Variants in PPP1R9A observed in about 807,000 individuals in gnomAD.
The protein encoded by PPP1R9A is protein phosphatase 1 regulatory subunit 9A, also known as neurabin-1.
In PPP1R9A, 59 loss-of-function variants were observed where a neutral mutation model predicts 141.9. That is an observed-to-expected ratio of 0.42 (90% confidence interval 0.34 to 0.52). The LOEUF is 0.52. Among genes scored for constraint, PPP1R9A ranks in the 20% least tolerant of loss-of-function variants. The pLI is 0.10. For synonymous variants in PPP1R9A, 500 were observed against 569.7 expected (o/e 0.88, Z 1.74); for missense variants, 1,444 against 1,611.9 (o/e 0.90, Z 1.78).
chr7:94,920,350 G>T (rs1055043829), intron 2 of PPP1R9A, among the ~76,000 whole-genome samples: 1 of 145,494 alleles, frequency 6.9e-6, no homozygotes, highest in Non-Finnish European at 1.5e-5. Context: ...AGTTCAACAT[G>T]ATTGAAATAT....
chr7:95,090,482 T>G (rs1295524926), intron 2 of PPP1R9A, among the ~76,000 whole-genome samples: 2 of 151,952 alleles, frequency 1.3e-5, no homozygotes, highest in Non-Finnish European at 2.9e-5. Context: ...TTACCAAAGC[T>G]CTATATTTTA....
chr7:95,118,327 G>T (rs761620143), intron 3 of PPP1R9A, among the ~76,000 whole-genome samples: 67 of 152,168 alleles, frequency 4.4e-4, no homozygotes, highest in Non-Finnish European at 8.7e-4. Context: ...ATAAATAGGA[G>T]AAATCACATG....
At chr7:95,207,198 A>C (rs1290679188) in intron 7 of PPP1R9A, among the ~76,000 whole-genome samples, 1 of 152,142 alleles carries the variant, frequency 6.6e-6, no homozygotes, top group Non-Finnish European at 1.5e-5. Flanking sequence ...AAAAAACAGC[A>C]GAAAATAGAA....
intron 2 of PPP1R9A, among the ~76,000 whole-genome samples, chr7:95,060,806 A>G (rs1302587372): frequency 6.6e-6 from 1 of 152,222 alleles, no homozygotes; most frequent in Non-Finnish European, 1.5e-5. Flanking sequence ...AAAAGATTTT[A>G]ATAAAATATG....
At chr7:94,931,188 A>G (rs943163935) in intron 2 of PPP1R9A, among the ~76,000 whole-genome samples, 40 of 152,150 alleles carry the variant, frequency 2.6e-4, no homozygotes, top group African/African-American at 9.7e-4. Context: ...TTCTCTTTCA[A>G]TATTAATTTA....
At chr7:95,202,599 TCAGA>T (rs1401414725) in intron 6 of PPP1R9A, 2 of 913,550 alleles carry the variant, frequency 2.2e-6, no homozygotes, top group Admixed American at 6.2e-5. Context: ...AATAAATCTC[TCAGA>T]CAATCAGCAC....
At chr7:94,960,716 A>G (rs1241879155) in intron 2 of PPP1R9A, among the ~76,000 whole-genome samples, 1 of 151,722 alleles carries the variant, frequency 6.6e-6, no homozygotes, top group African/African-American at 2.4e-5. Flanking sequence ...GGGGTCATAA[A>G]ACTATTAAGC....
intron 2 of PPP1R9A, among the ~76,000 whole-genome samples, chr7:95,069,089 A>G (rs960389761): frequency 7.9e-5 from 12 of 152,232 alleles, no homozygotes; most frequent in African/African-American, 2.9e-4. Context: ...TAGTTGTTAT[A>G]GTATATTGTT....
At chr7:95,078,050 T>C (rs1279676705) in intron 2 of PPP1R9A, among the ~76,000 whole-genome samples, 3 of 151,322 alleles carry the variant, frequency 2.0e-5, no homozygotes, top group Admixed American at 6.6e-5. Flanking sequence ...TACATATGTA[T>C]ACATGTGCCA....
intron 2 of PPP1R9A, among the ~76,000 whole-genome samples, chr7:95,019,216 G>T (rs989585463): frequency 6.6e-6 from 1 of 152,102 alleles, no homozygotes; most frequent in African/African-American, 2.4e-5. Context: ...CTAACATGGT[G>T]AAACTCCATC....
intron 2 of PPP1R9A, among the ~76,000 whole-genome samples, chr7:94,912,016 CTT>C (rs1469876824): frequency 6.6e-6 from 1 of 151,996 alleles, no homozygotes; most frequent in African/African-American, 2.4e-5. Flanking sequence ...TTTGTTGGAA[CTT>C]TTTTTGGGGG....
In PPP1R9A at chr7:95,178,539, C is replaced by G. The variant is rs190373341; in HGVS notation, c.1754+16568C>G. On this transcript the variant is annotated intron_variant, in intron 5 of 19. Transcript: ENST00000433360. Reference sequence around the variant, plus strand: ...AGAAGGGAAATAACCAAGATCAGAGCAGAACTAAATGAAATTGAAAGAAAA... The same window carrying G: ...AGAAGGGAAATAACCAAGATCAGAGGAGAACTAAATGAAATTGAAAGAAAA... Among the ~76,000 whole-genome samples, 3 of 151,506 alleles carry G rather than the reference C, an allele frequency of 2.0e-5. No homozygotes were observed. In the East Asian group the frequency reaches 5.8e-4, roughly 29 times the overall value.
intron 2 of PPP1R9A, among the ~76,000 whole-genome samples, chr7:95,016,908 A>G (rs763278122): frequency 2.6e-5 from 4 of 152,150 alleles, no homozygotes; most frequent in Non-Finnish European, 5.9e-5. Flanking sequence ...TTATCTGGAA[A>G]TAGGGTCTTT....
intron 2 of PPP1R9A, among the ~76,000 whole-genome samples, chr7:95,041,773 A>G (rs1188215250): frequency 6.6e-6 from 1 of 152,042 alleles, no homozygotes; most frequent in Non-Finnish European, 1.5e-5. Context: ...AATATTAACT[A>G]TACATTATTA....
chr7:94,960,230 A>G (rs1797485477), intron 2 of PPP1R9A, among the ~76,000 whole-genome samples: 1 of 139,590 alleles, frequency 7.2e-6, no homozygotes, highest in South Asian at 2.2e-4. Flanking sequence ...TCTTACTGTT[A>G]TTAAAATATC....
At chr7:95,170,683 G>T (rs981024653) in intron 5 of PPP1R9A, among the ~76,000 whole-genome samples, 14 of 151,424 alleles carry the variant, frequency 9.2e-5, no homozygotes, top group African/African-American at 3.4e-4. Context: ...GAAGCTAAAA[G>T]AATTCATTAC....
intron 5 of PPP1R9A, among the ~76,000 whole-genome samples, chr7:95,179,778 C>A (rs370857415): frequency 3.7e-3 from 361 of 96,786 alleles, no homozygotes; most frequent in Middle Eastern, 0.015. Flanking sequence ...ACAATAGCTG[C>A]AAAAAAAAAA....
intron 2 of PPP1R9A, among the ~76,000 whole-genome samples, chr7:95,026,357 TTGC>T (rs35946684): frequency 0.067 from 10,185 of 152,236 alleles, 462 homozygotes; most frequent in East Asian, 0.14. Context: ...CTGCTGGAGT[TTGC>T]TGGAGGTCTA....
chr7:94,938,554 T>C (rs750801057), intron 2 of PPP1R9A, among the ~76,000 whole-genome samples: 2 of 152,184 alleles, frequency 1.3e-5, no homozygotes, highest in Non-Finnish European at 1.5e-5. Flanking sequence ...CATGTTTTCA[T>C]TGCTAGCTCT....
Sources: gnomAD v4.1 joint callset for allele counts (sites outside exome capture counted in the v4.1 genomes callset) on GRCh38, gnomAD v4.1.1 for gene constraint, MANE v1.5 for transcripts, NCBI Gene and HGNC (gene_info 2026-07-23, HGNC 2026-07-21) for gene names.